Variants in ZMAT1 observed in about 807,000 individuals in gnomAD.
ZMAT1 encodes zinc finger matrin-type 1, also known as zinc finger matrin-type protein 1.
Under a neutral mutation model 18.5 loss-of-function variants are expected in ZMAT1, and 11 were observed. The ratio of observed to expected loss-of-function variants is 0.59; its 90% CI spans 0.37 to 0.98. The LOEUF (loss-of-function observed/expected upper bound fraction) is 0.98, where lower values mean the gene tolerates loss of function less well. ZMAT1 is among the 50% of genes least tolerant of loss of function. ZMAT1 has a pLI of 0.01. For synonymous variants in ZMAT1, 211 were observed against 176.4 expected (o/e 1.20, Z -1.55); for missense variants, 525 against 496.2 (o/e 1.06, Z -0.55).
intron 1 of ZMAT1, chrX:101,911,489 T>A: frequency 2.7e-6 from 2 of 731,000 alleles, no homozygotes; most frequent in Non-Finnish European, 4.0e-6. Flanking sequence ...CAAGACATAG[T>A]ACAGTAAGAT....
chrX:101,923,742 T>G (rs780769119), intron 1 of ZMAT1, among the ~76,000 whole-genome samples: 1 of 112,032 alleles, frequency 8.9e-6, no homozygotes, highest in African/African-American at 3.2e-5. Flanking sequence ...AAATTAGTAT[T>G]TTGGTTATGA....
At chrX:101,916,886 A>G (rs1421713271) in intron 1 of ZMAT1, among the ~76,000 whole-genome samples, 3 of 111,846 alleles carry the variant, frequency 2.7e-5, no homozygotes, top group African/African-American at 9.8e-5. Context: ...AAACAAATCC[A>G]CACACCTACA....
At chrX:101,924,125 T>G (rs1929908563) in intron 1 of ZMAT1, among the ~76,000 whole-genome samples, 1 of 111,546 alleles carries the variant, frequency 9.0e-6, no homozygotes, top group Non-Finnish European at 1.9e-5. Context: ...TTTTTTTTGT[T>G]TTTTGAGATG....
chrX:101,918,343 T>A (rs1416546091), intron 1 of ZMAT1, among the ~76,000 whole-genome samples: 2 of 110,182 alleles, frequency 1.8e-5, no homozygotes, highest in Non-Finnish European at 3.8e-5. Context: ...TGGTGGCTCA[T>A]GCCTGTGATC....
At chrX:101,916,367 A>G (rs1365782038) in intron 1 of ZMAT1, among the ~76,000 whole-genome samples, 2 of 111,645 alleles carry the variant, frequency 1.8e-5, no homozygotes, top group African/African-American at 6.5e-5. Flanking sequence ...ACAAACCTAC[A>G]TGTTCTGCAC....
intron 1 of ZMAT1, among the ~76,000 whole-genome samples, chrX:101,929,423 T>TTATATATATATA (rs771032732): frequency 3.8e-4 from 27 of 71,295 alleles, no homozygotes; most frequent in African/African-American, 5.6e-4. Context: ...TAGAGAGAGA[T>TTATATATATATA]TATATATATA....
intron 1 of ZMAT1, among the ~76,000 whole-genome samples, chrX:101,928,531 G>C (rs1324412150): frequency 1.8e-5 from 2 of 111,981 alleles, no homozygotes; most frequent in Admixed American, 1.9e-4. Flanking sequence ...CTAATTTTTT[G>C]TATTTTTAGT....
intron 1 of ZMAT1, among the ~76,000 whole-genome samples, chrX:101,924,265 C>T (rs1254900956): frequency 2.7e-5 from 3 of 111,367 alleles, no homozygotes; most frequent in Non-Finnish European, 3.8e-5. Flanking sequence ...GCATGTACCA[C>T]TGTGCCCGGC....
At chrX:101,929,890 TC>T (rs2147697372) in intron 1 of ZMAT1, among the ~76,000 whole-genome samples, 1 of 111,400 alleles carries the variant, frequency 9.0e-6, no homozygotes, top group African/African-American at 3.3e-5. Flanking sequence ...GGAGTTTTAC[TC>T]CCTTATTTCA....
chrX:101,925,963 G>C (rs1318737623), intron 1 of ZMAT1, among the ~76,000 whole-genome samples: 1 of 112,180 alleles, frequency 8.9e-6, no homozygotes, highest in Non-Finnish European at 1.9e-5. Context: ...TATCCCGTGA[G>C]GCAAAACTGC....
chrX:101,928,293 C>T (rs1930176002), intron 1 of ZMAT1, among the ~76,000 whole-genome samples: 1 of 112,634 alleles, frequency 8.9e-6, no homozygotes. Context: ...GCCTGGCACA[C>T]ACACATAGAA....
intron 1 of ZMAT1, among the ~76,000 whole-genome samples, chrX:101,914,439 G>C (rs1650612581): frequency 9.1e-6 from 1 of 110,392 alleles, no homozygotes; most frequent in African/African-American, 3.3e-5. Context: ...CAACAAAATT[G>C]ACAAACCATT....
chrX:101,907,196 C>T lies in ZMAT1; in HGVS notation c.293-2866G>A, dbSNP rs140081034. Among the ~76,000 whole-genome samples, 452 of 112,097 alleles carry T rather than the reference C, an allele frequency of 4.0e-3. 21 individuals are homozygous for T. The East Asian group carries it at 0.11, about 27-fold the overall frequency. Reference sequence around the variant, plus strand: ...CTCAGGTTCAAGGCCTACCCCAGCACCAGGTGAGCCCCTGTGGACCAGGCT... The same window carrying T: ...CTCAGGTTCAAGGCCTACCCCAGCATCAGGTGAGCCCCTGTGGACCAGGCT... On this transcript the variant is annotated intron_variant, in intron 1 of 5. Transcript: ENST00000651725.
chrX:101,886,843 A>G (rs1926993415), intron 4 of ZMAT1, 112 bp from the exon 5 acceptor site: 1 of 537,416 alleles, frequency 1.9e-6, no homozygotes, highest in Non-Finnish European at 3.0e-6. Context: ...GACATTTTCC[A>G]ATAAAGATGG....
At position 101,882,933 on chromosome X, in the gene ZMAT1, C is replaced by A. The variant is rs897758711; in HGVS notation, c.*577G>T. 9.0e-6 allele frequency: 1 copy of A among 110,521 alleles called. No individual in the cohort carries two copies. Among genetic ancestry groups the A allele is most frequent in the Middle Eastern group, 4.7e-3 (1 of 213 alleles). 9.1% of individuals were successfully genotyped at this position (110,521 alleles called of 1,213,427 possible). On this transcript the variant is annotated 3_prime_UTR_variant, in exon 6 of 6. Transcript: ENST00000651725. The stretch of plus-strand genomic sequence containing the variant: ...AAAAAGTTGAAAATCCTAGAGTAGA[C>A]TCATCCCAAATCACTGTCTCTTCTG...
chrX:101,883,331 G>C lies in ZMAT1; in HGVS notation c.*179C>G, dbSNP rs1180527036. ...TGTTCTTTTCTCAGAGGTTAAGTTT[G>C]GGCTTTTTTTTTCCTTCTTTTAATT... On this transcript the variant is annotated 3_prime_UTR_variant, in exon 6 of 6. Coordinates refer to ENST00000651725, the MANE Select transcript of ZMAT1 (RefSeq NM_001394560.1). The C allele has an allele frequency of 3.0e-6, 1 of 328,609 alleles. No homozygotes were observed. Among genetic ancestry groups the C allele is most frequent in the Non-Finnish European group, 5.1e-6 (1 of 197,465 alleles). The allele number at this position is 328,609 out of a possible 1,213,427, so 27.1% of individuals were successfully genotyped here. A position where few individuals can be genotyped will look rare whatever the true frequency, so the allele number is the denominator to read the frequency against.
chrX:101,914,054 C>T (rs1358249497), intron 1 of ZMAT1, among the ~76,000 whole-genome samples: 1 of 111,067 alleles, frequency 9.0e-6, no homozygotes. Context: ...GAAAACTATA[C>T]AAATACATGG....
chrX:101,894,814 G>T, intron 4 of ZMAT1: 1 of 751,631 alleles, frequency 1.3e-6, no homozygotes, highest in Non-Finnish European at 1.6e-6. Context: ...GGTAAAGAAA[G>T]AACTGAAAAA....
intron 1 of ZMAT1, among the ~76,000 whole-genome samples, chrX:101,913,497 C>CT (rs1250228026): frequency 1.8e-5 from 2 of 111,635 alleles, no homozygotes; most frequent in African/African-American, 6.5e-5. Context: ...TAGAAATAGA[C>CT]ATTCCATGCC....
Sources: allele counts gnomAD v4.1 joint callset (sites outside exome capture counted in the v4.1 genomes callset), GRCh38; gene constraint gnomAD v4.1.1; transcripts MANE v1.5; gene names NCBI Gene and HGNC (gene_info 2026-07-23, HGNC 2026-07-21).